STK32A: variants seen among roughly 807,000 people sequenced by gnomAD.
STK32A encodes serine/threonine-protein kinase 32A.
STK32A carries 41 observed loss-of-function variants against 53.2 expected under a neutral mutation model. That is an observed-to-expected ratio of 0.77 (90% confidence interval 0.60 to 1.00). STK32A has a LOEUF of 1.00. STK32A is among the 50% of genes least tolerant of loss of function. STK32A has a pLI of 0.00. For synonymous variants in STK32A, 166 were observed against 162.8 expected (o/e 1.02, Z -0.15); for missense variants, 458 against 485.8 (o/e 0.94, Z 0.54).
chr5:147,253,995 T>C (rs1370595104), intron 2 of STK32A, among the ~76,000 whole-genome samples: 28 of 152,196 alleles, frequency 1.8e-4, no homozygotes, highest in Admixed American at 1.8e-3. Flanking sequence ...GTAGATATCA[T>C]GGAATTCTAG....
chr5:147,327,845 C>G (rs1754677209), intron 5 of STK32A, among the ~76,000 whole-genome samples: 2 of 152,208 alleles, frequency 1.3e-5, no homozygotes. Context: ...GGCTGCAGCT[C>G]TGAGGGGAGC....
chr5:147,239,973 C>G (rs184538109), intron 2 of STK32A: 4 of 334,330 alleles, frequency 1.2e-5, no homozygotes, highest in African/African-American at 2.2e-5. Flanking sequence ...TGTTTGTCCT[C>G]TGTGCTGTTC....
intron 2 of STK32A, among the ~76,000 whole-genome samples, chr5:147,259,463 A>G (rs1375926347): frequency 6.6e-6 from 1 of 152,006 alleles, no homozygotes; most frequent in Non-Finnish European, 1.5e-5. Flanking sequence ...TTATACTTAC[A>G]ACAAGGTGGT....
rs1453653544 is a variant in STK32A at position 147,350,560 on chromosome 5, G to T, written c.473-505G>T. 2.6e-5 allele frequency among the ~76,000 whole-genome samples: 4 copies of T among 151,732 alleles called. No individual in the cohort carries two copies. The East Asian group carries it at 7.8e-4, about 30-fold the overall frequency. On this transcript the variant is annotated intron_variant, in intron 6 of 12. Coordinates refer to ENST00000397936, the MANE Select transcript of STK32A (RefSeq NM_001112724.2). Reference sequence around the variant, plus strand: ...ATTTTTTATTTTTAGTAGAGACAGGGTTTCACCATTTTGGCCAGGCTGGTC... The same window carrying T: ...ATTTTTTATTTTTAGTAGAGACAGGTTTTCACCATTTTGGCCAGGCTGGTC...
chr5:147,299,176 T>G (rs963303813), intron 4 of STK32A, among the ~76,000 whole-genome samples: 2 of 152,206 alleles, frequency 1.3e-5, no homozygotes, highest in Non-Finnish European at 2.9e-5. Context: ...TTTTATGGTT[T>G]TTTTAATAAT....
intron 7 of STK32A, among the ~76,000 whole-genome samples, chr5:147,353,860 A>T (rs930031216): frequency 2.6e-5 from 4 of 152,220 alleles, no homozygotes; most frequent in Non-Finnish European, 5.9e-5. Flanking sequence ...TTGCTGTTTA[A>T]ACTGGTGGGA....
intron 2 of STK32A, among the ~76,000 whole-genome samples, chr5:147,263,583 GC>G (rs1754678867): frequency 6.6e-6 from 1 of 151,966 alleles, no homozygotes; most frequent in South Asian, 2.1e-4. Context: ...CTTTCGGAGA[GC>G]AAAAATTTGC....
chr5:147,308,267 G>A lies in STK32A; in HGVS notation c.261-15631G>A, dbSNP rs567551634. On this transcript the variant is annotated intron_variant, in intron 4 of 12. Transcript: ENST00000397936. ...TTAGTTTTTCATGTAGAGGTCTAGC[G>A]TATTTGTCTTTAGACTGATGACTAG... 2.0e-5 allele frequency among the ~76,000 whole-genome samples: 3 copies of A among 151,920 alleles called. No homozygotes were observed. The East Asian group carries it at 5.8e-4, about 29-fold the overall frequency.
At chr5:147,355,792 G>GTGTGTATATATATATATATATATATATA (rs984298293) in intron 7 of STK32A, among the ~76,000 whole-genome samples, 64 of 147,804 alleles carry the variant, frequency 4.3e-4, no homozygotes, top group African/African-American at 1.5e-3. Flanking sequence ...GTGTGTGTGT[G>GTGTGTATATATATATATATATATATATA]TATATATATA....
At chr5:147,355,792 GTA>G (rs140534042) in intron 7 of STK32A, among the ~76,000 whole-genome samples, 36,949 of 147,576 alleles carry the variant, frequency 0.25, 4,860 homozygotes, top group Admixed American at 0.35. Context: ...GTGTGTGTGT[GTA>G]TATATATATA....
chr5:147,292,407 T>C (rs1752638901), intron 4 of STK32A, among the ~76,000 whole-genome samples: 1 of 152,230 alleles, frequency 6.6e-6, no homozygotes, highest in Admixed American at 6.5e-5. Flanking sequence ...ACAAATAGTT[T>C]CCAAATTCTG....
intron 6 of STK32A, among the ~76,000 whole-genome samples, chr5:147,349,354 C>T (rs749970457): frequency 2.0e-5 from 3 of 152,212 alleles, no homozygotes; most frequent in Non-Finnish European, 4.4e-5. Context: ...TGATACAGGG[C>T]TTGTGGACTG....
At chr5:147,306,565 A>G (rs959452372) in intron 4 of STK32A, among the ~76,000 whole-genome samples, 4 of 150,926 alleles carry the variant, frequency 2.7e-5, no homozygotes, top group Non-Finnish European at 5.9e-5. Flanking sequence ...TATATATAAT[A>G]TTTTATATTG....
intron 4 of STK32A, among the ~76,000 whole-genome samples, chr5:147,310,557 A>T (rs1753641306): frequency 6.6e-6 from 1 of 152,166 alleles, no homozygotes; most frequent in Admixed American, 6.5e-5. Context: ...TTGCTGAATC[A>T]CAAGTGGCCA....
At chr5:147,376,407 G>A (rs1442536534) in intron 11 of STK32A, among the ~76,000 whole-genome samples, 5 of 152,022 alleles carry the variant, frequency 3.3e-5, no homozygotes, top group African/African-American at 9.7e-5. Flanking sequence ...CTCCAGACTT[G>A]CTCCTTCCCC....
intron 1 of STK32A, among the ~76,000 whole-genome samples, chr5:147,237,880 C>T (rs188970705): frequency 2.0e-5 from 3 of 152,314 alleles, no homozygotes; most frequent in Admixed American, 6.5e-5. Context: ...TTCAATAACT[C>T]ATCCTTAACA....
chr5:147,344,710 G>A (rs533079430), intron 6 of STK32A, among the ~76,000 whole-genome samples: 2 of 152,194 alleles, frequency 1.3e-5, no homozygotes, highest in African/African-American at 4.8e-5. Context: ...ACAGCTTCCT[G>A]ACAGCACATG....
At position 147,238,016 on chromosome 5, in the gene STK32A, C is replaced by A. The variant is rs552802198; in HGVS notation, c.-96-1523C>A. ...TACTCTTAGAAATAGCAGGAGCTAA[C>A]ATTCATTCTTTGCATATCATGTGCT... On this transcript the variant is annotated intron_variant, in intron 1 of 12. Coordinates refer to ENST00000397936, the MANE Select transcript of STK32A (RefSeq NM_001112724.2). Among the ~76,000 whole-genome samples, 8 of 152,350 alleles carry A rather than the reference C, an allele frequency of 5.3e-5. No individual in the cohort carries two copies. In the East Asian group the frequency reaches 1.5e-3, roughly 29 times the overall value.
In STK32A at chr5:147,375,175, T is replaced by G; in HGVS notation, c.989T>G (p.Leu330Arg). Residue 330 changes from leucine to arginine, a missense_variant, in exon 11 of 13, where the codon CTG becomes CGG. Transcript: ENST00000397936. Reference protein sequence around the residue: ...SKPLHKKKKRLAKKEKDMRKC... With the variant: ...SKPLHKKKKRRAKKEKDMRKC... Reference sequence around the variant, plus strand: ...CCTCTACATAAGAAAAAAAAGCGTCTGGCAAAGAAGGAGAAGGATATGAGG... The same window carrying G: ...CCTCTACATAAGAAAAAAAAGCGTCGGGCAAAGAAGGAGAAGGATATGAGG... 6.2e-7 allele frequency: 1 copy of G among 1,610,690 alleles called. No individual in the cohort carries two copies. Among genetic ancestry groups the G allele is most frequent in the Non-Finnish European group, 8.5e-7 (1 of 1,178,476 alleles).
Sources: allele counts gnomAD v4.1 joint callset (sites outside exome capture counted in the v4.1 genomes callset), GRCh38; gene constraint gnomAD v4.1.1; transcripts MANE v1.5; gene names NCBI Gene and HGNC (gene_info 2026-07-23, HGNC 2026-07-21).